The following RBM23 variants were observed in gnomAD, a reference collection of about 807,000 sequenced individuals.
RBM23 encodes RNA binding motif protein 23.
A neutral mutation model predicts 56.2 loss-of-function variants in RBM23; 53 were observed. The observed-to-expected ratio is 0.94, with a 90% CI of 0.76 to 1.19. The LOEUF is 1.19. Among genes scored for constraint, RBM23 ranks in the 50% most tolerant of loss-of-function variants. The pLI, the probability that RBM23 is intolerant of heterozygous loss-of-function variation, is 0.00. For missense variants in RBM23, 642 were observed against 590.3 expected (o/e 1.09, Z -0.91); for synonymous variants, 197 against 198.5 (o/e 0.99, Z 0.06).
At chr14:22,904,388 A>T in intron 9 of RBM23, 62 bp from the exon 10 acceptor site, 6 of 1,313,816 alleles carry the variant, frequency 4.6e-6, no homozygotes, top group African/African-American at 1.5e-5. Context: ...AATCTTTCCT[A>T]CCCAGACTGC....
rs1235539150 is a variant in RBM23 at position 22,911,421 on chromosome 14, A to G, written c.-10-18T>C. ...TGTCAGATCTGGGGAGAGGATATTA[A>G]TATGTAAGAATCTGTTTTATATTTT... On this transcript the variant is annotated intron_variant, in intron 1 of 13. Transcript: ENST00000359890. 2 of 1,593,218 alleles carry G rather than the reference A, an allele frequency of 1.3e-6. No individual in the cohort carries two copies. The highest frequency in any genetic ancestry group is 2.2e-5 in the East Asian group (1 of 44,698).
At chr14:22,906,798 G>A (rs1310695672) in intron 4 of RBM23, among the ~76,000 whole-genome samples, 1 of 152,190 alleles carries the variant, frequency 6.6e-6, no homozygotes, top group Non-Finnish European at 1.5e-5. Flanking sequence ...CAGCACTTTG[G>A]GAGGCCAAGG....
At chr14:22,918,863 G>A (rs1042502313) in intron 1 of RBM23, 136 bp downstream of exon 1, 1 of 152,070 alleles carries the variant, frequency 6.6e-6, no homozygotes, top group African/African-American at 2.4e-5. Flanking sequence ...ACAAACAAAG[G>A]TTTTTTTAAT....
rs1266870914 is a variant in RBM23 at position 22,902,088 on chromosome 14, G to A, written c.1138C>T (p.Gln380Ter). 3 of 1,609,492 alleles carry A rather than the reference G, an allele frequency of 1.9e-6. No homozygotes were observed. In the Admixed American group the frequency reaches 5.0e-5, roughly 27 times the overall value. Reference protein sequence around the residue: ...MAKLAEGAGIQLPSTAAAAAA... With the variant: ...MAKLAEGAGI ...GCAGCAGCAGCAGTGCTTGGCAGTT[G>A]GATTCCAGCGCCTAAAAGGAAAAGA... The change falls in exon 12 of 14, where the codon CAA becomes TAA. Residue 380 changes from glutamine (Q) to a stop codon, truncating the protein, a stop_gained. Coordinates refer to ENST00000359890, the MANE Select transcript of RBM23 (RefSeq NM_001077351.2). LOFTEE classifies it high-confidence loss of function.
Position 22,919,106 on chromosome 14 carries a change from T to G in RBM23, c.-118A>C, listed in dbSNP as rs952188579. 2.6e-5 allele frequency: 4 copies of G among 152,254 alleles called. No individual in the cohort carries two copies. The highest frequency in any genetic ancestry group is 2.6e-4 in the Admixed American group (4 of 15,284). 9.4% of individuals were successfully genotyped at this position (152,254 alleles called of 1,614,324 possible). On this transcript the variant is annotated 5_prime_UTR_variant, in exon 1 of 14. Coordinates refer to ENST00000359890, the MANE Select transcript of RBM23 (RefSeq NM_001077351.2). ...AGAGTCTAGGCAAGAAAAGCAGCAC[T>G]GCAGGTACAGAGCCTCCTCTTCCCG... is the stretch of plus-strand genomic sequence containing the variant.
chr14:22,905,094 C>G lies in RBM23; in HGVS notation c.726G>C (p.Gln242His), dbSNP rs1322030443. ...TATGTCTGTTTCTCAGCCTGCTCAC[C>G]TGTGAAGCCTGTACAATGATAGGCA... is the stretch of plus-strand genomic sequence containing the variant. ...LGVPIIVQAS[Q>H]AEKNRLAAMA... is the part of the protein sequence containing the mutation. The change falls in exon 8 of 14, where the codon CAG (glutamine) becomes CAC (histidine). Residue 242 changes from glutamine to histidine, a missense_variant and splice_region_variant. Coordinates refer to ENST00000359890, the MANE Select transcript of RBM23 (RefSeq NM_001077351.2). 5.0e-6 allele frequency: 8 copies of G among 1,614,134 alleles called. No homozygotes were observed. The highest frequency in any genetic ancestry group is 6.8e-6 in the Non-Finnish European group (8 of 1,179,998).
chr14:22,905,426 C>G lies in RBM23; in HGVS notation c.483G>C (p.Glu161Asp), dbSNP rs1186749971. ...VREPVDNLSP[E>D]ERDARTVFCM... ...AGAAAACTGTGCGGGCATCACGCTC[C>G]TCAGGACTCAGATTATCAACTGGCT... is the stretch of plus-strand genomic sequence containing the variant. Residue 161 changes from glutamate to aspartate, a missense_variant, in exon 7 of 14, where the codon GAG becomes GAC. Coordinates refer to ENST00000359890, the MANE Select transcript of RBM23 (RefSeq NM_001077351.2). 1 of 1,614,168 alleles carries G rather than the reference C, an allele frequency of 6.2e-7. No individual in the cohort carries two copies. Among genetic ancestry groups the G allele is most frequent in the Non-Finnish European group, 8.5e-7 (1 of 1,180,040 alleles).
chr14:22,904,036 C>T (rs562594973), intron 10 of RBM23: 30 of 1,477,358 alleles, frequency 2.0e-5, no homozygotes, highest in South Asian at 1.7e-4. Context: ...TGGGTGAACT[C>T]CTGAACACCC....
intron 1 of RBM23, chr14:22,917,362 T>G (rs1167522145): frequency 6.6e-6 from 1 of 152,176 alleles, no homozygotes; most frequent in Non-Finnish European, 1.5e-5. Context: ...AAACTTACAC[T>G]TAAGTTTACA....
rs868621845 is a variant in RBM23 at position 22,904,915 on chromosome 14, G to A, written c.824C>T (p.Thr275Ile). Residue 275 changes from threonine to isoleucine, a missense_variant, in exon 9 of 14, where the codon ACT (threonine) becomes ATT (isoleucine). Transcript: ENST00000359890. ...LYVGSLHFNI[T>I]EDMLRGIFEP... ...AAAGATGCCCCGGAGCATGTCTTCA[G>A]TGATATTGAAGTGCAGGGAACCCAC... The A allele has an allele frequency of 4.3e-6, 7 of 1,614,212 alleles. No homozygotes were observed. The Middle Eastern group carries it at 9.9e-4, about 228-fold the overall frequency.
intron 3 of RBM23, chr14:22,908,872 G>A (rs2042009303): frequency 6.5e-6 from 1 of 154,740 alleles, no homozygotes; most frequent in African/African-American, 2.4e-5. Context: ...AAAGCTGTCA[G>A]GCATCTGAAG....
intron 10 of RBM23, chr14:22,903,904 A>T: frequency 8.4e-7 from 1 of 1,193,436 alleles, no homozygotes; most frequent in Non-Finnish European, 1.1e-6. Flanking sequence ...CTGTTATGAG[A>T]AACATCAATT....
At chr14:22,916,031 T>C (rs2043421457) in intron 1 of RBM23, among the ~76,000 whole-genome samples, 1 of 152,058 alleles carries the variant, frequency 6.6e-6, no homozygotes, top group African/African-American at 2.4e-5. Flanking sequence ...GCCTGGGCAA[T>C]ACAGTGAGGC....
chr14:22,909,971 G>A (rs1457747806), intron 2 of RBM23, among the ~76,000 whole-genome samples: 1 of 151,500 alleles, frequency 6.6e-6, no homozygotes, highest in African/African-American at 2.4e-5. Flanking sequence ...TCGCCGACAT[G>A]TCGAAACCCC....
In RBM23 at chr14:22,901,662, C is replaced by T. The variant is rs2040497291; in HGVS notation, c.*68G>A. The T allele has an allele frequency of 1.9e-6, 3 of 1,576,034 alleles. No individual in the cohort carries two copies. The highest frequency in any genetic ancestry group is 1.7e-6 in the Non-Finnish European group (2 of 1,145,940). On this transcript the variant is annotated 3_prime_UTR_variant, in exon 14 of 14. Transcript: ENST00000359890. ...TGGTCCACAAAATGGAGAAATGGGG[C>T]CATGGAAGAGTAGATGTGAAGTGGC...
rs113510189 is a variant in RBM23 at position 22,903,072 on chromosome 14, G to T, written c.931-690C>A. ...GCTGGGATTACAGGTGTGAGCCACC[G>T]CGCCTGGCCAAATTTTAGTTAAGTA... On this transcript the variant is annotated intron_variant, in intron 10 of 13. Coordinates refer to ENST00000359890, the MANE Select transcript of RBM23 (RefSeq NM_001077351.2). 1.3e-5 allele frequency: 13 copies of T among 985,066 alleles called. No homozygotes were observed. The African/African-American group carries it at 2.1e-4, about 16-fold the overall frequency. The allele number at this position is 985,066 out of a possible 1,614,324, so 61.0% of individuals were successfully genotyped here.
At position 22,902,047 on chromosome 14, in the gene RBM23, G is replaced by A. The variant is rs1009355149; in HGVS notation, c.1179C>T (p.Ala393=). 2.0e-6 allele frequency: 3 copies of A among 1,501,016 alleles called. No individual in the cohort carries two copies. The African/African-American group carries it at 4.6e-5, about 23-fold the overall frequency. The allele number at this position is 1,501,016 out of a possible 1,614,324, so 93.0% of individuals were successfully genotyped here. The part of the protein sequence containing the change: ...STAAAAAAAA[A]QAAALQLNGA... The stretch of plus-strand genomic sequence containing the variant: ...CATTCAGTTGCAAGGCAGCAGCCTG[G>A]GCGGCGGCGGCAGCAGCAGCAGCAG... The change falls in exon 12 of 14, where the codon GCC becomes GCT. Residue 393 remains alanine, a synonymous_variant. Coordinates refer to ENST00000359890, the MANE Select transcript of RBM23 (RefSeq NM_001077351.2).
chr14:22,908,435 C>CG, intron 3 of RBM23, 55 bp from the exon 4 acceptor site: 1 of 1,529,308 alleles, frequency 6.5e-7, no homozygotes, highest in Non-Finnish European at 8.8e-7. Context: ...GAAAGAATCT[C>CG]GCTCTGTCGT....
chr14:22,902,756 C>CT lies in RBM23; in HGVS notation c.931-375dup, dbSNP rs59987550. 5.3e-4 allele frequency: 242 copies of CT among 460,800 alleles called. 3 individuals carry two copies. Among genetic ancestry groups the CT allele is most frequent in the African/African-American group, 4.0e-3 (129 of 32,090 alleles). The allele number at this position is 460,800 out of a possible 1,614,324, so 28.5% of individuals were successfully genotyped here. ...GTTCTCTATCCTAGTAAGTTTTAGT[C>CT]TTTTTTTTTTTTTTTTTTTTTTTTT... On this transcript the variant is annotated intron_variant, in intron 10 of 13. Transcript: ENST00000359890.
Sources: gnomAD v4.1 joint callset for allele counts (sites outside exome capture counted in the v4.1 genomes callset) on GRCh38, gnomAD v4.1.1 for gene constraint, MANE v1.5 for transcripts, NCBI Gene and HGNC (gene_info 2026-07-23, HGNC 2026-07-21) for gene names.